Variants in ZNF33B observed in about 807,000 individuals in gnomAD.
ZNF33B encodes the protein zinc finger protein 33B, also known as zinc finger protein 11b (KOX 2).
A neutral mutation model predicts 45.8 loss-of-function variants in ZNF33B; 29 were observed. That is an observed-to-expected ratio of 0.63 (90% CI 0.47 to 0.86). ZNF33B has a LOEUF of 0.86. ZNF33B is among the 40% of genes least tolerant of loss of function. The pLI is 0.00. For synonymous variants in ZNF33B, 305 were observed against 307.8 expected (o/e 0.99, Z 0.10); for missense variants, 831 against 909.9 (o/e 0.91, Z 1.12).
At chr10:42,605,679 G>T (rs1837811749) in intron 4 of ZNF33B, among the ~76,000 whole-genome samples, 1 of 152,130 alleles carries the variant, frequency 6.6e-6, no homozygotes, top group African/African-American at 2.4e-5. Flanking sequence ...AATGATACGA[G>T]AGAGTAAAAA....
chr10:42,632,188 G>A, intron 3 of ZNF33B, 107 bp downstream of exon 3: 1 of 1,523,192 alleles, frequency 6.6e-7, no homozygotes, highest in African/African-American at 1.4e-5. Flanking sequence ...GACTCCTGAA[G>A]CCTAACCTAA....
chr10:42,615,550 C>CA (rs1261195988), intron 4 of ZNF33B, among the ~76,000 whole-genome samples: 3 of 152,116 alleles, frequency 2.0e-5, no homozygotes, highest in Non-Finnish European at 4.4e-5. Context: ...TTTTGGTTGC[C>CA]AAGGGCTACA....
At chr10:42,607,886 G>A (rs1837932489) in intron 4 of ZNF33B, among the ~76,000 whole-genome samples, 1 of 152,086 alleles carries the variant, frequency 6.6e-6, no homozygotes, top group African/African-American at 2.4e-5. Context: ...ACAGGAAAAA[G>A]GGAATGATTT....
intron 1 of ZNF33B, among the ~76,000 whole-genome samples, chr10:42,637,755 C>T (rs990310505): frequency 2.6e-5 from 4 of 152,134 alleles, no homozygotes; most frequent in Non-Finnish European, 5.9e-5. Flanking sequence ...CTCCGCCTCC[C>T]GGGTTCAAGC....
intron 2 of ZNF33B, 74 bp downstream of exon 2, chr10:42,636,846 A>T: frequency 6.2e-7 from 1 of 1,606,084 alleles, no homozygotes; most frequent in Non-Finnish European, 8.5e-7. Flanking sequence ...AACAAAACAA[A>T]AAAACCATAC....
downstream of ZNF33B, among the ~76,000 whole-genome samples, chr10:42,588,931 T>C (rs142856007): frequency 6.6e-6 from 1 of 152,292 alleles, no homozygotes; most frequent in African/African-American, 2.4e-5. Context: ...TGGCTTCAGA[T>C]GTCAAGAGAA....
At chr10:42,625,101 A>G (rs1838746968) in intron 4 of ZNF33B, among the ~76,000 whole-genome samples, 1 of 151,360 alleles carries the variant, frequency 6.6e-6, no homozygotes, top group African/African-American at 2.4e-5. Context: ...GAATAAGCTT[A>G]TTTAAAGCTG....
downstream of ZNF33B, among the ~76,000 whole-genome samples, chr10:42,588,644 G>C (rs1836985565): frequency 6.6e-6 from 1 of 152,232 alleles, no homozygotes; most frequent in Non-Finnish European, 1.5e-5. Flanking sequence ...ATGCCGGGCA[G>C]AGCCACAAAG....
In ZNF33B at chr10:42,631,866, G is replaced by A. The variant is rs961363778; in HGVS notation, c.250+63C>T. The A allele has an allele frequency of 1.5e-5, 22 of 1,444,122 alleles. No homozygotes were observed. In the African/African-American group the frequency reaches 2.5e-4, roughly 17 times the overall value. The allele number at this position is 1,444,122 out of a possible 1,614,324, so 89.5% of individuals were successfully genotyped here. Reference sequence around the variant, plus strand: ...AAATGTTCCAAAGTTGCCAAACCCTGAATTAACTACTGGGAAACAACAAAT... The same window carrying A: ...AAATGTTCCAAAGTTGCCAAACCCTAAATTAACTACTGGGAAACAACAAAT... On this transcript the variant is annotated intron_variant, in intron 4 of 4. Transcript: ENST00000359467.
chr10:42,580,353 C>A (rs1310217815), intron 1 of ZNF33B, among the ~76,000 whole-genome samples: 1 of 152,144 alleles, frequency 6.6e-6, no homozygotes, highest in East Asian at 2.0e-4. Flanking sequence ...CCATTCTCAT[C>A]CCCTACCCTC....
intron 3 of ZNF33B, 63 bp downstream of exon 3, chr10:42,632,232 C>T (rs1839092012): frequency 6.4e-7 from 1 of 1,568,436 alleles, no homozygotes; most frequent in African/African-American, 1.4e-5. Flanking sequence ...GACAGACTGC[C>T]TATATGTTTT....
At chr10:42,580,645 G>A (rs184707075) in intron 1 of ZNF33B, among the ~76,000 whole-genome samples, 6 of 151,832 alleles carry the variant, frequency 4.0e-5, no homozygotes, top group Non-Finnish European at 7.4e-5. Context: ...AAGTGTCTGG[G>A]AGCGGTGGCT....
chr10:42,610,291 T>G (rs1160577887), intron 4 of ZNF33B, among the ~76,000 whole-genome samples: 1 of 152,130 alleles, frequency 6.6e-6, no homozygotes, highest in South Asian at 2.1e-4. Flanking sequence ...ATCCCAGCAC[T>G]TTGGAATGCC....
chr10:42,634,619 A>T (rs1290954988), intron 2 of ZNF33B, among the ~76,000 whole-genome samples: 1 of 152,234 alleles, frequency 6.6e-6, no homozygotes, highest in Admixed American at 6.5e-5. Context: ...AACAGAACAC[A>T]GTCCAAAAAA....
intron 4 of ZNF33B, among the ~76,000 whole-genome samples, chr10:42,615,960 C>T (rs1374081925): frequency 2.0e-5 from 3 of 151,106 alleles, no homozygotes; most frequent in Non-Finnish European, 4.4e-5. Flanking sequence ...CGGTGGCTTA[C>T]GCCTGTAATC....
At chr10:42,618,980 T>C (rs1213181963) in intron 4 of ZNF33B, among the ~76,000 whole-genome samples, 1 of 152,184 alleles carries the variant, frequency 6.6e-6, no homozygotes, top group Non-Finnish European at 1.5e-5. Context: ...GATAGTCCTG[T>C]GCATGGGTCA....
intron 2 of ZNF33B, among the ~76,000 whole-genome samples, chr10:42,632,652 A>G (rs1394701947): frequency 1.3e-5 from 2 of 152,230 alleles, no homozygotes; most frequent in African/African-American, 4.8e-5. Context: ...CACTCCTGGC[A>G]ACACTAAGAT....
intron 4 of ZNF33B, among the ~76,000 whole-genome samples, chr10:42,601,139 T>A (rs1271312441): frequency 1.3e-5 from 2 of 152,220 alleles, no homozygotes; most frequent in Non-Finnish European, 2.9e-5. Context: ...TTGCCTCATT[T>A]AAGGAGAAAT....
chr10:42,638,519 C>T lies in ZNF33B; in HGVS notation c.-90G>A. On this transcript the variant is annotated 5_prime_UTR_variant, in exon 1 of 5. Transcript: ENST00000359467. Reference sequence around the variant, plus strand: ...CATTCGCCATAAGAGAGCCGGTAGACCCCTGAAATCCCGGGACCGCCTCCC... The same window carrying T: ...CATTCGCCATAAGAGAGCCGGTAGATCCCTGAAATCCCGGGACCGCCTCCC... 2.1e-6 allele frequency: 1 copy of T among 483,348 alleles called. No homozygotes were observed. The highest frequency in any genetic ancestry group is 4.1e-6 in the Non-Finnish European group (1 of 242,188). The allele number at this position is 483,348 out of a possible 1,614,324, so 29.9% of individuals were successfully genotyped here.
Sources: gnomAD v4.1 joint callset for allele counts (sites outside exome capture counted in the v4.1 genomes callset) on GRCh38, gnomAD v4.1.1 for gene constraint, MANE v1.5 for transcripts, NCBI Gene and HGNC (gene_info 2026-07-23, HGNC 2026-07-21) for gene names.